The following BAZ2B variants were observed in gnomAD, a reference collection of about 807,000 sequenced individuals.
The protein encoded by BAZ2B is bromodomain adjacent to zinc finger domain protein 2B.
BAZ2B carries 91 observed loss-of-function variants against 246.0 expected under a neutral mutation model. The observed-to-expected ratio is 0.37, with a 90% confidence interval of 0.31 to 0.44. The LOEUF is 0.44. Ranked by LOEUF, BAZ2B falls within the 20% of genes least tolerant of loss-of-function variation. BAZ2B has a pLI of 1.00. For missense variants in BAZ2B, 2,332 were observed against 2,533.7 expected, an observed-to-expected ratio of 0.92 and a Z score of 1.71; for synonymous variants, 855 against 860.0, an observed-to-expected ratio of 0.99 and a Z score of 0.10.
chr2:159,347,915 T>C (rs13004043), intron 30 of BAZ2B, among the ~76,000 whole-genome samples: 37,903 of 151,848 alleles, frequency 0.25, 6,270 homozygotes, highest in Middle Eastern at 0.42. Context: ...CAGAAAAAAA[T>C]AGTAGTGCAT....
chr2:159,322,961 G>C (rs989614866), intron 36 of BAZ2B, among the ~76,000 whole-genome samples: 1 of 151,094 alleles, frequency 6.6e-6, no homozygotes, highest in Admixed American at 6.6e-5. Flanking sequence ...CATTCACTGG[G>C]ACTCATTTTT....
At chr2:159,315,819 G>T (rs754987065), downstream of BAZ2B, among the ~76,000 whole-genome samples, 2 of 152,152 alleles carry the variant, frequency 1.3e-5, no homozygotes, top group Non-Finnish European at 2.9e-5. Context: ...AATCACTGAA[G>T]TATTATTTGC....
chr2:159,510,802 G>A (rs541133040), intron 2 of BAZ2B, among the ~76,000 whole-genome samples: 13 of 152,182 alleles, frequency 8.5e-5, no homozygotes, highest in African/African-American at 3.1e-4. Context: ...TTTCCTTAAA[G>A]GAGCTTTCCT....
At chr2:159,679,061 A>G in the BAZ2B span, among the ~76,000 whole-genome samples, 2 of 152,094 alleles carry the variant, frequency 1.3e-5, no homozygotes, top group Non-Finnish European at 2.9e-5. Context: ...TCACGAGGTC[A>G]GGAGGTCGAG....
chr2:159,569,181 G>T (rs1178433230), intron 1 of BAZ2B, among the ~76,000 whole-genome samples: 1 of 152,030 alleles, frequency 6.6e-6, no homozygotes, highest in East Asian at 1.9e-4. Flanking sequence ...AACCAAAAAA[G>T]ATTTAAATGA....
chr2:159,623,135 G>C, the BAZ2B span, among the ~76,000 whole-genome samples: 2 of 150,656 alleles, frequency 1.3e-5, no homozygotes, highest in Admixed American at 1.3e-4. Context: ...GAGAGAAAAA[G>C]AAAGATAAAA....
intron 2 of BAZ2B, among the ~76,000 whole-genome samples, chr2:159,503,870 C>T (rs773617144): frequency 1.2e-4 from 18 of 152,122 alleles, no homozygotes; most frequent in East Asian, 3.9e-4. Flanking sequence ...TGTGAGCCAC[C>T]GCGCCTGGCC....
intron 2 of BAZ2B, among the ~76,000 whole-genome samples, chr2:159,555,090 A>ATTT (rs72324855): frequency 1.1e-5 from 1 of 93,820 alleles, no homozygotes; most frequent in Admixed American, 1.1e-4. Context: ...GTGTGTGTGT[A>ATTT]TTTTTTTTTT....
At chr2:159,515,584 A>G (rs1028242610) in intron 2 of BAZ2B, among the ~76,000 whole-genome samples, 1 of 152,116 alleles carries the variant, frequency 6.6e-6, no homozygotes, top group Non-Finnish European at 1.5e-5. Flanking sequence ...TTTCCTTTGT[A>G]GTTTGTAACA....
At chr2:159,691,446 A>G in the BAZ2B span, among the ~76,000 whole-genome samples, 1 of 146,586 alleles carries the variant, frequency 6.8e-6, no homozygotes, top group Non-Finnish European at 1.5e-5. Context: ...AAAGTAGGCT[A>G]GAGAAAAGGT....
chr2:159,572,749 T>A (rs931825880), intron 1 of BAZ2B, among the ~76,000 whole-genome samples: 5 of 152,332 alleles, frequency 3.3e-5, no homozygotes, highest in Admixed American at 2.0e-4. Flanking sequence ...AAGTACATGC[T>A]TTTAAACTAT....
intron 2 of BAZ2B, among the ~76,000 whole-genome samples, chr2:159,534,149 T>C (rs1025096934): frequency 1.3e-5 from 2 of 152,216 alleles, no homozygotes; most frequent in African/African-American, 2.4e-5. Flanking sequence ...TAAAGTGTGT[T>C]TCTGAAGGGA....
At chr2:159,393,618 ACTTCTGTTTCT>A (rs753901587) in intron 20 of BAZ2B, among the ~76,000 whole-genome samples, 10 of 78,158 alleles carry the variant, frequency 1.3e-4, no homozygotes, top group Non-Finnish European at 4.3e-4. Flanking sequence ...TCTGTATTCT[ACTTCTGTTTCT>A]TTTTGCTTAG....
At chr2:159,708,069 G>C in the BAZ2B span, among the ~76,000 whole-genome samples, 2 of 152,112 alleles carry the variant, frequency 1.3e-5, no homozygotes, top group African/African-American at 4.8e-5. Context: ...CCAGTACTTT[G>C]GGAGGCCGGG....
At chr2:159,323,533 T>C (rs533804246) in intron 36 of BAZ2B, among the ~76,000 whole-genome samples, 1 of 151,794 alleles carries the variant, frequency 6.6e-6, no homozygotes, top group Admixed American at 6.6e-5. Context: ...CTGGGTGAGG[T>C]GGTTCACGCC....
intron 3 of BAZ2B, 74 bp downstream of exon 3, chr2:159,478,501 C>G (rs958354366): frequency 7.8e-6 from 11 of 1,408,914 alleles, no homozygotes; most frequent in Non-Finnish European, 1.0e-5. Context: ...ATATTTTATT[C>G]AGTGCTCAAT....
At chr2:159,527,970 T>A (rs563483137) in intron 2 of BAZ2B, among the ~76,000 whole-genome samples, 7 of 152,174 alleles carry the variant, frequency 4.6e-5, no homozygotes, top group Non-Finnish European at 8.8e-5. Context: ...AAAAGGACTA[T>A]ATACACACCT....
rs946971156 is a variant in BAZ2B, at chr2:159,412,113, T to C, written c.2677+222A>G. 7 of 368,500 alleles carry C rather than the reference T, an allele frequency of 1.9e-5. No homozygotes were observed. The highest frequency in any genetic ancestry group is 2.2e-5 in the African/African-American group (1 of 45,360). 22.8% of individuals were successfully genotyped at this position (368,500 alleles called of 1,614,324 possible). On this transcript the variant is annotated intron_variant, in intron 14 of 36. Coordinates refer to ENST00000392783, the MANE Select transcript of BAZ2B (RefSeq NM_013450.4). ...TAACACCCACCTTTGTAATTCTAAA[T>C]ACACAGGATAGGATGTGTTTATGAG...
intron 2 of BAZ2B, among the ~76,000 whole-genome samples, chr2:159,512,549 T>C (rs546150809): frequency 2.6e-5 from 4 of 152,262 alleles, no homozygotes; most frequent in African/African-American, 9.6e-5. Flanking sequence ...GTCTCTAAGC[T>C]GATAAAATGT....
Sources: allele counts gnomAD v4.1 joint callset (sites outside exome capture counted in the v4.1 genomes callset), GRCh38; gene constraint gnomAD v4.1.1; transcripts MANE v1.5; gene names NCBI Gene and HGNC (gene_info 2026-07-23, HGNC 2026-07-21).